The following PARD3 variants were observed in gnomAD, a reference collection of about 807,000 sequenced individuals.
PARD3 encodes par-3 family cell polarity regulator.
A neutral mutation model predicts 155.4 loss-of-function variants in PARD3; 75 were observed. The observed-to-expected ratio is 0.48, with a 90% CI of 0.40 to 0.58. The LOEUF (loss-of-function observed/expected upper bound fraction) is 0.58. Ranked by LOEUF, PARD3 falls within the 20% of genes least tolerant of loss-of-function variation. The pLI is 0.00. For missense variants in PARD3, 1,642 were observed against 1,721.7 expected, an observed-to-expected ratio of 0.95 and a Z score of 0.82; for synonymous variants, 576 against 610.5, an observed-to-expected ratio of 0.94 and a Z score of 0.83.
At chr10:34,451,260 G>C (rs1024085368) in intron 4 of PARD3, among the ~76,000 whole-genome samples, 2 of 152,112 alleles carry the variant, frequency 1.3e-5, no homozygotes, top group African/African-American at 4.8e-5. Context: ...GGATAAACTA[G>C]GGGAGTCAAA....
intron 16 of PARD3, among the ~76,000 whole-genome samples, chr10:34,339,103 GAC>G (rs1408178206): frequency 6.6e-6 from 1 of 152,138 alleles, no homozygotes; most frequent in African/African-American, 2.4e-5. Context: ...TAAGAAATAT[GAC>G]ACAATCTTGC....
At chr10:34,644,395 G>A (rs959812573) in intron 2 of PARD3, among the ~76,000 whole-genome samples, 5 of 152,184 alleles carry the variant, frequency 3.3e-5, no homozygotes, top group Non-Finnish European at 5.9e-5. Flanking sequence ...CCCACGCTCC[G>A]ACAGTTCTCT....
intron 22 of PARD3, among the ~76,000 whole-genome samples, chr10:34,177,484 G>A (rs1950084059): frequency 6.6e-6 from 1 of 152,178 alleles, no homozygotes; most frequent in Non-Finnish European, 1.5e-5. Flanking sequence ...AAATGTTTAA[G>A]AAGGAAACCC....
chr10:34,804,618 G>T (rs1011861058), intron 1 of PARD3, among the ~76,000 whole-genome samples: 2 of 152,218 alleles, frequency 1.3e-5, no homozygotes, highest in Non-Finnish European at 2.9e-5. Context: ...CATTATAAAT[G>T]ACACATGTTA....
At chr10:34,281,512 C>T (rs1011364830) in intron 21 of PARD3, among the ~76,000 whole-genome samples, 1 of 152,072 alleles carries the variant, frequency 6.6e-6, no homozygotes, top group African/African-American at 2.4e-5. Flanking sequence ...ATACAGTGAT[C>T]TTCCTAGTCC....
chr10:34,195,491 T>C (rs1325823438), intron 22 of PARD3, among the ~76,000 whole-genome samples: 2 of 152,142 alleles, frequency 1.3e-5, no homozygotes, highest in East Asian at 3.9e-4. Flanking sequence ...TAGGTGCTTA[T>C]CAGAGAAAAA....
rs892413666 is a variant in PARD3 at position 34,111,060 on chromosome 10, C to T, written c.*109G>A. ...CGCTTAAAGGCACTGATACCAACAA[C>T]AGAAATACTCCATAGTACCATCGAG... On this transcript the variant is annotated 3_prime_UTR_variant, in exon 25 of 25. Coordinates refer to ENST00000374788, the MANE Select transcript of PARD3 (RefSeq NM_001184785.2). 1.7e-5 allele frequency: 21 copies of T among 1,250,060 alleles called. No homozygotes were observed. In the Admixed American group the frequency reaches 3.5e-4, roughly 21 times the overall value. The allele number at this position is 1,250,060 out of a possible 1,614,324, so 77.4% of individuals were successfully genotyped here. A position where few individuals can be genotyped will look rare whatever the true frequency, so the allele number is the denominator to read the frequency against.
intron 1 of PARD3, among the ~76,000 whole-genome samples, chr10:34,732,998 T>TC (rs1169897353): frequency 3.3e-5 from 5 of 152,070 alleles, no homozygotes; most frequent in African/African-American, 4.8e-5. Flanking sequence ...TAGTGTCTCT[T>TC]CCCCACCTCC....
At chr10:34,135,961 G>T (rs1476407270) in intron 22 of PARD3, among the ~76,000 whole-genome samples, 2 of 152,296 alleles carry the variant, frequency 1.3e-5, no homozygotes, top group East Asian at 3.9e-4. Context: ...GCCTGGTGTT[G>T]CTTCTTATTT....
At position 34,347,273 on chromosome 10, in the gene PARD3, A is replaced by G. The variant is rs568839696; in HGVS notation, c.2218+692T>C. Among the ~76,000 whole-genome samples, 5 of 152,340 alleles carry G rather than the reference A, an allele frequency of 3.3e-5. No homozygotes were observed. In the East Asian group the frequency reaches 9.6e-4, roughly 29 times the overall value. ...CAAGATGAGCAGCTCAGTAAATCCA[A>G]CCACTCCTGTGGCAAAGCAAGAATT... is the stretch of plus-strand genomic sequence containing the variant. On this transcript the variant is annotated intron_variant, in intron 15 of 24. Coordinates refer to ENST00000374788, the MANE Select transcript of PARD3 (RefSeq NM_001184785.2).
intron 3 of PARD3, among the ~76,000 whole-genome samples, chr10:34,515,795 A>G (rs910860085): frequency 1.3e-5 from 2 of 152,014 alleles, no homozygotes; most frequent in African/African-American, 4.8e-5. Context: ...TCTAAATATT[A>G]TCTACCTATA....
intron 1 of PARD3, among the ~76,000 whole-genome samples, chr10:34,764,491 C>T (rs541722628): frequency 6.3e-4 from 96 of 152,164 alleles, no homozygotes; most frequent in Non-Finnish European, 1.2e-3. Flanking sequence ...GGGGGATTTG[C>T]TTTGAACTAA....
Position 34,522,212 on chromosome 10 carries a change from G to A in PARD3, c.223-5053C>T, listed in dbSNP as rs552224442. On this transcript the variant is annotated intron_variant, in intron 2 of 24. Transcript: ENST00000374788. ...CGCCTGGCTGCGGCCAGAGAGAAAC[G>A]TGATGATGGCCAGAGAAATACTACA... Among the ~76,000 whole-genome samples the A allele has an allele frequency of 2.4e-3, 369 of 152,276 alleles. 1 individual carries two copies. Among genetic ancestry groups the A allele is most frequent in the Non-Finnish European group, 4.3e-3 (290 of 68,020 alleles).
chr10:34,383,895 T>C (rs1056842753), intron 8 of PARD3, among the ~76,000 whole-genome samples: 3 of 152,112 alleles, frequency 2.0e-5, no homozygotes, highest in Non-Finnish European at 2.9e-5. Context: ...AATTGTAAAG[T>C]TGAAATGGGG....
At chr10:34,353,342 C>CTA in intron 14 of PARD3, among the ~76,000 whole-genome samples, 1 of 152,336 alleles carries the variant, frequency 6.6e-6, no homozygotes, top group East Asian at 1.9e-4. Flanking sequence ...AAGAAGTAGA[C>CTA]ATAGGAGACT....
chr10:34,328,074 G>A (rs1451853076), intron 19 of PARD3, among the ~76,000 whole-genome samples: 1 of 152,186 alleles, frequency 6.6e-6, no homozygotes, highest in Non-Finnish European at 1.5e-5. Flanking sequence ...TTCCAAAGCT[G>A]GAGGCAGAAA....
chr10:34,408,219 A>C (rs755219013), intron 5 of PARD3, among the ~76,000 whole-genome samples: 8,299 of 152,132 alleles, frequency 0.055, 311 homozygotes, highest in East Asian at 0.095. Context: ...GAAAGCACAA[A>C]AAAAAAATGA....
In PARD3 at chr10:34,402,821, TG is replaced by T. The variant is rs532792569; in HGVS notation, c.715-905del. 5.3e-5 allele frequency among the ~76,000 whole-genome samples: 8 copies of T among 152,280 alleles called. No homozygotes were observed. In the East Asian group the frequency reaches 1.5e-3, roughly 29 times the overall value. On this transcript the variant is annotated intron_variant, in intron 5 of 24. Transcript: ENST00000374788. ...TAATCAGTATTCAAAAAGGTGCATG[TG>T]GAATAAACGTGGTAGTTCACAAAAA...
At chr10:34,609,449 G>A (rs2090718543) in intron 2 of PARD3, among the ~76,000 whole-genome samples, 1 of 152,206 alleles carries the variant, frequency 6.6e-6, no homozygotes, top group Non-Finnish European at 1.5e-5. Flanking sequence ...TGTGGATACT[G>A]AAACCTGCTC....
Sources: gnomAD v4.1 joint callset for allele counts (sites outside exome capture counted in the v4.1 genomes callset) on GRCh38, gnomAD v4.1.1 for gene constraint, MANE v1.5 for transcripts, NCBI Gene and HGNC (gene_info 2026-07-23, HGNC 2026-07-21) for gene names.